The following WDFY4 variants were observed in gnomAD, a reference collection of about 807,000 sequenced individuals.
The protein encoded by WDFY4 is WDFY family member 4, also known as WD repeat- and FYVE domain-containing protein 4.
A neutral mutation model predicts 351.9 loss-of-function variants in WDFY4; 169 were observed. The observed-to-expected ratio is 0.48, with a 90% CI of 0.42 to 0.55. WDFY4 has a LOEUF of 0.55. Among genes scored for constraint, WDFY4 ranks in the 20% least tolerant of loss-of-function variants. WDFY4 has a pLI of 0.00. For missense variants in WDFY4, 3,803 were observed against 3,935.6 expected (o/e 0.97, Z 0.90); for synonymous variants, 1,622 against 1,574.6 (o/e 1.03, Z -0.71).
intron 47 of WDFY4, among the ~76,000 whole-genome samples, chr10:48,913,177 G>A (rs1838163300): frequency 6.6e-6 from 1 of 152,188 alleles, no homozygotes; most frequent in Non-Finnish European, 1.5e-5. Context: ...GAGTGTGTGT[G>A]CAGAGGACAG....
At chr10:48,902,643 T>G (rs1263580349) in intron 47 of WDFY4, among the ~76,000 whole-genome samples, 2 of 152,090 alleles carry the variant, frequency 1.3e-5, no homozygotes, top group African/African-American at 4.8e-5. Context: ...TCCCCTGTCC[T>G]TATTGAGTTC....
rs551263694 is a variant in WDFY4 at position 48,769,013 on chromosome 10, T to C, written c.2554-5445T>C. 1.3e-4 allele frequency among the ~76,000 whole-genome samples: 19 copies of C among 151,872 alleles called. 1 individual carries two copies. The South Asian group carries it at 2.1e-3, about 17-fold the overall frequency. On this transcript the variant is annotated intron_variant, in intron 13 of 61. Coordinates refer to ENST00000325239, the MANE Select transcript of WDFY4 (RefSeq NM_001394531.1). ...CAAAAGTGGAGGATAGGAAGAAAAA[T>C]GGGAAAGAGAGAAATATGCTGTAGA...
At chr10:48,790,144 A>G (rs998083595) in intron 22 of WDFY4, among the ~76,000 whole-genome samples, 159 bp downstream of exon 22, 2 of 152,212 alleles carry the variant, frequency 1.3e-5, no homozygotes, top group Non-Finnish European at 2.9e-5. Flanking sequence ...CCAGAGAGTT[A>G]GTCTCCCAGA....
intron 3 of WDFY4, among the ~76,000 whole-genome samples, chr10:48,720,920 CTT>C (rs2064064114): frequency 1.3e-5 from 2 of 149,192 alleles, no homozygotes; most frequent in East Asian, 2.0e-4. Flanking sequence ...TTCAGGAATT[CTT>C]GCAGCATAAG....
Position 48,776,992 on chromosome 10 carries a change from A to G in WDFY4, c.3098+8A>G, listed in dbSNP as rs113376258. 318 of 1,542,282 alleles carry G rather than the reference A, an allele frequency of 2.1e-4. 4 individuals are homozygous for G. In the African/African-American group the frequency reaches 3.5e-3, roughly 17 times the overall value. On this transcript the variant is annotated splice_region_variant and intron_variant, in intron 16 of 61. Transcript: ENST00000325239. ...GTCCGTGGAAGGTTATGGGTATGACAGGCTTTCACATATTTAAAATGCACT... is the reference window on the plus strand; with the variant it reads ...GTCCGTGGAAGGTTATGGGTATGACGGGCTTTCACATATTTAAAATGCACT...
At chr10:48,773,217 C>T (rs2065924107) in intron 13 of WDFY4, among the ~76,000 whole-genome samples, 1 of 152,172 alleles carries the variant, frequency 6.6e-6, no homozygotes, top group African/African-American at 2.4e-5. Flanking sequence ...CTAGTTCAAC[C>T]ATTGTGGAGG....
rs370570628 is a variant in WDFY4, at chr10:48,786,655, C to T, written c.3593C>T (p.Ala1198Val). The change falls in exon 20 of 62, where the codon GCT becomes GTT. Residue 1198 changes from alanine (A) to valine (V), a missense_variant. Physicochemically the swap from Ala to Val is moderately conservative, Grantham distance 64. Coordinates refer to ENST00000325239, the MANE Select transcript of WDFY4 (RefSeq NM_001394531.1). ...IGSAKMLYIQ[A>V]LPGPFLSMDP... ...TTTTAACAGATGTTATACATCCAGG[C>T]TCTACCAGGGCCTTTCCTTTCTATG... 5.2e-6 allele frequency: 8 copies of T among 1,551,470 alleles called. No individual in the cohort carries two copies. In the East Asian group the frequency reaches 2.0e-4, roughly 38 times the overall value.
At chr10:48,716,511 C>G (rs1286645079) in intron 2 of WDFY4, among the ~76,000 whole-genome samples, 1 of 152,242 alleles carries the variant, frequency 6.6e-6, no homozygotes, top group Admixed American at 6.5e-5. Flanking sequence ...CTTTTGGAAG[C>G]TGCCTTAACT....
intron 24 of WDFY4, among the ~76,000 whole-genome samples, chr10:48,797,683 A>G (rs993532595): frequency 6.6e-6 from 1 of 152,146 alleles, no homozygotes; most frequent in African/African-American, 2.4e-5. Context: ...TCTATTGCCA[A>G]ATTTTTAGAT....
At chr10:48,852,840 G>A (rs1019050999) in intron 39 of WDFY4, among the ~76,000 whole-genome samples, 1 of 152,098 alleles carries the variant, frequency 6.6e-6, no homozygotes, top group African/African-American at 2.4e-5. Context: ...GTTCCTTTCT[G>A]TTTCGTTTGC....
rs572318572 is a variant in WDFY4, at chr10:48,772,793, G to A, written c.2554-1665G>A. Reference sequence around the variant, plus strand: ...TTCCCACCTATGAGTGAGAATATGCGGTGTTTGGTTTTTTGTTCTTGCGAT... The same window carrying A: ...TTCCCACCTATGAGTGAGAATATGCAGTGTTTGGTTTTTTGTTCTTGCGAT... On this transcript the variant is annotated intron_variant, in intron 13 of 61. Coordinates refer to ENST00000325239, the MANE Select transcript of WDFY4 (RefSeq NM_001394531.1). Among the ~76,000 whole-genome samples, 9 of 149,786 alleles carry A rather than the reference G, an allele frequency of 6.0e-5. No homozygotes were observed. In the South Asian group the frequency reaches 1.1e-3, roughly 18 times the overall value.
intron 47 of WDFY4, among the ~76,000 whole-genome samples, chr10:48,910,642 G>A (rs1837913846): frequency 6.6e-6 from 1 of 152,120 alleles, no homozygotes; most frequent in South Asian, 2.1e-4. Flanking sequence ...TGAATGCATT[G>A]AGGCAAATCC....
intron 11 of WDFY4, among the ~76,000 whole-genome samples, chr10:48,738,698 T>C (rs12262004): frequency 0.011 from 1,626 of 152,314 alleles, 27 homozygotes; most frequent in African/African-American, 0.036. Context: ...CCCCTGAAAC[T>C]TTGGAACGAA....
chr10:48,951,527 G>C (rs1163746563), intron 51 of WDFY4, among the ~76,000 whole-genome samples: 1 of 152,128 alleles, frequency 6.6e-6, no homozygotes, highest in African/African-American at 2.4e-5. Flanking sequence ...CAATTTTCCT[G>C]CTTCAGCCTC....
intron 47 of WDFY4, among the ~76,000 whole-genome samples, chr10:48,936,837 C>CAA (rs559680291): frequency 1.7e-5 from 1 of 59,288 alleles, no homozygotes; most frequent in Non-Finnish European, 3.5e-5. Context: ...GACTCCGTCT[C>CAA]AAAAAAAAAA....
chr10:48,964,166 C>T (rs1841980363), intron 54 of WDFY4, 112 bp downstream of exon 54: 2 of 1,186,124 alleles, frequency 1.7e-6, no homozygotes, highest in Non-Finnish European at 2.4e-6. Context: ...GAAATGGTCC[C>T]CCATCATCTT....
At chr10:48,945,146 C>T (rs1377201051) in intron 49 of WDFY4, among the ~76,000 whole-genome samples, 1 of 152,144 alleles carries the variant, frequency 6.6e-6, no homozygotes, top group Non-Finnish European at 1.5e-5. Context: ...GAGGCCGAAG[C>T]AGGAGGATTG....
intron 13 of WDFY4, among the ~76,000 whole-genome samples, chr10:48,761,332 T>C (rs2065496355): frequency 6.6e-6 from 1 of 152,082 alleles, no homozygotes; most frequent in Non-Finnish European, 1.5e-5. Context: ...CATGATCAGA[T>C]TTTGCGTGAA....
intron 13 of WDFY4, among the ~76,000 whole-genome samples, chr10:48,773,087 A>G (rs1452186227): frequency 6.6e-6 from 1 of 152,214 alleles, no homozygotes; most frequent in East Asian, 1.9e-4. Context: ...AATCAAAACC[A>G]CAATGAGATA....
Sources: allele counts gnomAD v4.1 joint callset (sites outside exome capture counted in the v4.1 genomes callset), GRCh38; gene constraint gnomAD v4.1.1; transcripts MANE v1.5; gene names NCBI Gene and HGNC (gene_info 2026-07-23, HGNC 2026-07-21).